Variants in KIFC3 observed in about 807,000 individuals in gnomAD.
KIFC3 encodes the protein kinesin family member C3, also known as kinesin-like protein KIFC3.
KIFC3 carries 60 observed loss-of-function variants against 101.8 expected under a neutral mutation model. The ratio of observed to expected loss-of-function variants is 0.59; its 90% CI spans 0.48 to 0.73. The LOEUF is 0.73. KIFC3 is among the 30% of genes least tolerant of loss of function. The pLI is 0.00. For missense variants in KIFC3, 966 were observed against 1,137.1 expected (o/e 0.85, Z 2.16); for synonymous variants, 476 against 482.7 (o/e 0.99, Z 0.18).
At chr16:57,810,973 C>T (rs1350535606) in intron 1 of KIFC3, among the ~76,000 whole-genome samples, 1 of 152,194 alleles carries the variant, frequency 6.6e-6, no homozygotes, top group African/African-American at 2.4e-5. Flanking sequence ...GTCTCATGCC[C>T]CTCCCTGGGT....
chr16:57,854,858 A>G (rs2056131627), intron 1 of KIFC3, among the ~76,000 whole-genome samples: 1 of 152,198 alleles, frequency 6.6e-6, no homozygotes, highest in South Asian at 2.1e-4. Context: ...AATCAATAGA[A>G]AAATATCTGG....
chr16:57,799,824 T>G (rs1281482230), intron 1 of KIFC3, among the ~76,000 whole-genome samples: 3 of 151,918 alleles, frequency 2.0e-5, no homozygotes, highest in Non-Finnish European at 2.9e-5. Flanking sequence ...GAAGTGTAAG[T>G]GGGAAGGAGA....
intron 1 of KIFC3, among the ~76,000 whole-genome samples, chr16:57,817,523 C>T (rs1453697628): frequency 6.6e-6 from 1 of 152,142 alleles, no homozygotes; most frequent in Non-Finnish European, 1.5e-5. Context: ...CTGCTGGAGG[C>T]GGGCGATCTT....
Position 57,769,516 on chromosome 16 carries a change from G to T in KIFC3, c.1218+79C>A. Reference sequence around the variant, plus strand: ...TGAGCGGCTTTGTCTGAGCTTTGGAGGGACGCCCTGAGTGGATGTCGTGCC... The same window carrying T: ...TGAGCGGCTTTGTCTGAGCTTTGGATGGACGCCCTGAGTGGATGTCGTGCC... On this transcript the variant is annotated intron_variant, in intron 9 of 19. Coordinates refer to ENST00000445690, the MANE Select transcript of KIFC3 (RefSeq NM_001130100.2). The surrounding 1 kb of genome is among the most constrained non-coding windows in gnomAD (Gnocchi z 4.3). 1 of 1,524,454 alleles carries T rather than the reference G, an allele frequency of 6.6e-7. No homozygotes were observed. Among genetic ancestry groups the T allele is most frequent in the Admixed American group, 1.8e-5 (1 of 54,792 alleles). 94.4% of individuals were successfully genotyped at this position (1,524,454 alleles called of 1,614,324 possible).
intron 1 of KIFC3, among the ~76,000 whole-genome samples, chr16:57,823,489 C>G (rs1393311461): frequency 6.6e-6 from 1 of 152,176 alleles, no homozygotes; most frequent in East Asian, 1.9e-4. Context: ...CGATTGAGAC[C>G]TGTCTCAGAT....
chr16:57,827,504 C>T (rs1000293674), intron 1 of KIFC3, among the ~76,000 whole-genome samples: 3 of 152,216 alleles, frequency 2.0e-5, no homozygotes, highest in Non-Finnish European at 4.4e-5. Context: ...ACCTGTCATC[C>T]CTTCCCTTCT....
At chr16:57,802,836 C>A, upstream of KIFC3, 1 of 939,298 alleles carries the variant, frequency 1.1e-6, no homozygotes, top group Non-Finnish European at 1.6e-6. The surrounding 1 kb of genome is among the most constrained non-coding windows in gnomAD (Gnocchi z 5.0). Flanking sequence ...GCCATGCGTA[C>A]TTTTGCACAG....
chr16:57,804,182 A>G (rs2054878766), upstream of KIFC3, among the ~76,000 whole-genome samples: 1 of 152,202 alleles, frequency 6.6e-6, no homozygotes, highest in Non-Finnish European at 1.5e-5. Flanking sequence ...CATTGTAACC[A>G]TATCCCACAC....
intron 3 of KIFC3, among the ~76,000 whole-genome samples, chr16:57,780,924 C>T (rs1458381998): frequency 6.6e-6 from 1 of 152,132 alleles, no homozygotes; most frequent in East Asian, 2.0e-4. Flanking sequence ...ATCTGCCCAC[C>T]TCGGCCTCCC....
chr16:57,816,761 G>A (rs1407156870), intron 1 of KIFC3: 11 of 456,278 alleles, frequency 2.4e-5, no homozygotes, highest in East Asian at 6.9e-5. Flanking sequence ...CTGCCACAGG[G>A]ACAGCCACCC....
intron 3 of KIFC3, among the ~76,000 whole-genome samples, chr16:57,777,771 G>A (rs1366516958): frequency 6.6e-6 from 1 of 152,008 alleles, no homozygotes; most frequent in Non-Finnish European, 1.5e-5. Flanking sequence ...AAAGCAGTGT[G>A]GTACTGACAT....
chr16:57,772,943 C>T lies in KIFC3; in HGVS notation c.316-655G>A, dbSNP rs1014411402. On this transcript the variant is annotated intron_variant, in intron 3 of 19. Transcript: ENST00000445690. ...GGAAGCCACGGTTACCTAGCTTATC[C>T]GGACCCCAGAAGAGGGGACACCATC... 2.6e-5 allele frequency among the ~76,000 whole-genome samples: 4 copies of T among 152,140 alleles called. No individual in the cohort carries two copies. In the East Asian group the frequency reaches 5.8e-4, roughly 22 times the overall value.
At chr16:57,791,627 A>C (rs989058713) in intron 3 of KIFC3, among the ~76,000 whole-genome samples, 11 of 152,166 alleles carry the variant, frequency 7.2e-5, no homozygotes, top group African/African-American at 1.2e-4. Context: ...CGTGGAAGCT[A>C]GTTGCTGGTG....
intron 12 of KIFC3, among the ~76,000 whole-genome samples, chr16:57,763,678 C>T (rs1015341968): frequency 2.0e-5 from 3 of 152,118 alleles, no homozygotes; most frequent in African/African-American, 4.8e-5. Flanking sequence ...CAGGGACCAC[C>T]GGCAAGAGCT....
intron 3 of KIFC3, among the ~76,000 whole-genome samples, chr16:57,777,404 C>T (rs1343125728): frequency 2.6e-5 from 4 of 152,198 alleles, no homozygotes; most frequent in African/African-American, 9.7e-5. Flanking sequence ...CTCACACTTC[C>T]TGATTTCAAA....
At chr16:57,789,392 G>A (rs1441024602) in intron 3 of KIFC3, among the ~76,000 whole-genome samples, 2 of 152,252 alleles carry the variant, frequency 1.3e-5, no homozygotes, top group Admixed American at 1.3e-4. Context: ...TTCATCCAGA[G>A]AACGTCACCT....
Position 57,759,117 on chromosome 16 carries a change from A to ACACT in KIFC3, c.*24+4_*24+7dup, listed in dbSNP as rs1555592823. ...CGGGCAGCCCTGGGCCACAGGCCCC[A>ACACT]CACTCACCTAGAGACTCTGCAGCCC... On this transcript the variant is annotated splice_region_variant and intron_variant, in intron 19 of 19. Transcript: ENST00000445690. 1 of 1,550,648 alleles carries ACACT rather than the reference A, an allele frequency of 6.4e-7. No individual in the cohort carries two copies. Among genetic ancestry groups the ACACT allele is most frequent in the Non-Finnish European group, 8.7e-7 (1 of 1,146,928 alleles).
chr16:57,855,310 A>C lies in KIFC3; in HGVS notation c.108+7419T>G, dbSNP rs1170495796. On this transcript the variant is annotated intron_variant, in intron 1 of 2. Coordinates refer to the KIFC3 transcript ENST00000563028. ...CAGCTAATTTTTGTATTTTTAATAGAAATAGGATTTCACCATATTGGCCAG... is the reference window on the plus strand; with the variant it reads ...CAGCTAATTTTTGTATTTTTAATAGCAATAGGATTTCACCATATTGGCCAG... Among the ~76,000 whole-genome samples the C allele has an allele frequency of 8.6e-5, 13 of 151,900 alleles. 1 individual carries two copies.
chr16:57,763,059 T>A (rs2050052298), intron 12 of KIFC3, among the ~76,000 whole-genome samples: 1 of 152,032 alleles, frequency 6.6e-6, no homozygotes, highest in South Asian at 2.1e-4. Context: ...CAGTTCCGCA[T>A]TCCTGGCTTT....
Sources: gnomAD v4.1 joint callset for allele counts (sites outside exome capture counted in the v4.1 genomes callset) on GRCh38, gnomAD v4.1.1 for gene constraint, Gnocchi (gnomAD v3.1) non-coding constraint, MANE v1.5 for transcripts, NCBI Gene and HGNC (gene_info 2026-07-23, HGNC 2026-07-21) for gene names.